Variants in CSMD1 observed in about 807,000 individuals in gnomAD.
The protein encoded by CSMD1 is CUB and sushi domain-containing protein 1.
In CSMD1, 213 loss-of-function variants were observed where a neutral mutation model predicts 417.5. The observed-to-expected ratio is 0.51, with a 90% CI of 0.46 to 0.57. The LOEUF is 0.57. CSMD1 is among the 20% of genes least tolerant of loss of function. CSMD1 has a pLI of 0.00. For synonymous variants in CSMD1, 2,862 were observed against 1,736.8 expected, an observed-to-expected ratio of 1.65 and a Z score of -16.11; for missense variants, 6,923 against 4,529.7, an observed-to-expected ratio of 1.53 and a Z score of -15.17.
At chr8:3,049,058 C>G (rs903564069) in intron 50 of CSMD1, among the ~76,000 whole-genome samples, 6 of 151,926 alleles carry the variant, frequency 3.9e-5, no homozygotes, top group Non-Finnish European at 8.8e-5. Context: ...ATGAGAATGG[C>G]CAAAATCCAG....
At chr8:4,788,274 C>A (rs777411430) in intron 1 of CSMD1, 1 of 1,589,226 alleles carries the variant, frequency 6.3e-7, no homozygotes, top group Non-Finnish European at 8.6e-7. Flanking sequence ...GGATGGCATT[C>A]CTACTGTATT....
chr8:3,256,534 C>T (rs1320655892), intron 26 of CSMD1, among the ~76,000 whole-genome samples: 2 of 152,178 alleles, frequency 1.3e-5, no homozygotes, highest in Admixed American at 6.5e-5. Flanking sequence ...TTATTGCATG[C>T]ACTAAAAAAG....
intron 29 of CSMD1, among the ~76,000 whole-genome samples, chr8:3,217,870 C>G (rs532251079): frequency 6.6e-6 from 1 of 152,150 alleles, no homozygotes; most frequent in African/African-American, 2.4e-5. Flanking sequence ...ATTTTTCACA[C>G]AAATTGAACT....
At chr8:3,231,821 C>T (rs2116915967) in intron 26 of CSMD1, among the ~76,000 whole-genome samples, 1 of 152,280 alleles carries the variant, frequency 6.6e-6, no homozygotes, top group Non-Finnish European at 1.5e-5. Flanking sequence ...CACTTAAGCA[C>T]ACTTATCATC....
chr8:3,540,450 A>G (rs73505724), intron 10 of CSMD1, among the ~76,000 whole-genome samples: 2 of 152,238 alleles, frequency 1.3e-5, no homozygotes, highest in Admixed American at 1.3e-4. Flanking sequence ...TCAAGGCAAT[A>G]CTATTCAGGA....
At chr8:4,383,693 G>C (rs1044930240) in intron 3 of CSMD1, among the ~76,000 whole-genome samples, 1 of 152,102 alleles carries the variant, frequency 6.6e-6, no homozygotes, top group African/African-American at 2.4e-5. Flanking sequence ...ATTACAGTGT[G>C]GGAAACCTAA....
chr8:4,488,361 C>T (rs1801522905), intron 2 of CSMD1, among the ~76,000 whole-genome samples: 1 of 151,970 alleles, frequency 6.6e-6, no homozygotes, highest in African/African-American at 2.4e-5. Flanking sequence ...GAACACTTGA[C>T]ATATAGAAAC....
chr8:4,675,485 C>T (rs538947532), intron 1 of CSMD1, among the ~76,000 whole-genome samples: 82 of 152,174 alleles, frequency 5.4e-4, no homozygotes, highest in African/African-American at 1.8e-3. Flanking sequence ...ACACGGATAA[C>T]AAGTCATAAA....
chr8:4,649,661 TAAG>T (rs573126088), intron 1 of CSMD1, among the ~76,000 whole-genome samples: 1 of 152,360 alleles, frequency 6.6e-6, no homozygotes, highest in South Asian at 2.1e-4. Context: ...CTCCTCTTTA[TAAG>T]AAGCCATGAA....
chr8:4,488,978 C>G (rs1050973702), intron 2 of CSMD1, among the ~76,000 whole-genome samples: 1 of 152,198 alleles, frequency 6.6e-6, no homozygotes, highest in Non-Finnish European at 1.5e-5. Context: ...GTGGCGCGAT[C>G]TTGGCTCACT....
chr8:3,899,853 C>G (rs1178325855), intron 5 of CSMD1, among the ~76,000 whole-genome samples: 4 of 152,148 alleles, frequency 2.6e-5, no homozygotes, highest in South Asian at 4.1e-4. Flanking sequence ...CTGAAAATGT[C>G]CATTTCTTCA....
intron 5 of CSMD1, among the ~76,000 whole-genome samples, chr8:3,754,675 G>A (rs571102300): frequency 3.3e-5 from 5 of 152,260 alleles, no homozygotes; most frequent in South Asian, 2.1e-4. Flanking sequence ...GGCTGGTCTC[G>A]AACTTGTGAC....
chr8:4,490,162 T>G (rs867770454), intron 2 of CSMD1, among the ~76,000 whole-genome samples: 1 of 151,516 alleles, frequency 6.6e-6, no homozygotes, highest in Non-Finnish European at 1.5e-5. Context: ...TGCTTCAGCC[T>G]CTCAGGTAGC....
chr8:4,121,806 G>C (rs10112869), intron 3 of CSMD1, among the ~76,000 whole-genome samples: 1 of 152,036 alleles, frequency 6.6e-6, no homozygotes, highest in Non-Finnish European at 1.5e-5. Flanking sequence ...TTTTCTAATT[G>C]TAACTTAGTT....
At chr8:3,667,873 T>C (rs947821918) in intron 7 of CSMD1, among the ~76,000 whole-genome samples, 1 of 152,020 alleles carries the variant, frequency 6.6e-6, no homozygotes, top group African/African-American at 2.4e-5. Context: ...TAGCAGTGAG[T>C]AGAAGCAGCC....
chr8:3,134,149 C>A (rs1005086065), intron 41 of CSMD1, among the ~76,000 whole-genome samples: 3 of 151,414 alleles, frequency 2.0e-5, no homozygotes, highest in African/African-American at 7.3e-5. Flanking sequence ...TCCAGCCTCT[C>A]GACAGAGTGA....
At position 4,431,028 on chromosome 8, in the gene CSMD1, G is replaced by A. The variant is rs968119248; in HGVS notation, c.303-10963C>T. 1.1e-4 allele frequency among the ~76,000 whole-genome samples: 16 copies of A among 152,072 alleles called. 1 individual carries two copies. The highest frequency in any genetic ancestry group is 2.4e-4 in the Non-Finnish European group (16 of 68,014). ...TCTGGAAAGACTTCGCATAAGACCTGTGCTTCTTCAGAATAACTCGTGGAG... is the reference window on the plus strand; with the variant it reads ...TCTGGAAAGACTTCGCATAAGACCTATGCTTCTTCAGAATAACTCGTGGAG... On this transcript the variant is annotated intron_variant, in intron 2 of 69. Transcript: ENST00000635120.
intron 7 of CSMD1, among the ~76,000 whole-genome samples, chr8:3,694,457 G>C (rs2129034221): frequency 6.6e-6 from 1 of 152,238 alleles, no homozygotes; most frequent in East Asian, 1.9e-4. Context: ...ACATGAGTCT[G>C]GGAAAGACGG....
At chr8:3,654,609 T>C (rs1798012628) in intron 7 of CSMD1, among the ~76,000 whole-genome samples, 1 of 152,194 alleles carries the variant, frequency 6.6e-6, no homozygotes. Context: ...TCCCATATCT[T>C]TTTCAAAGCA....
Sources: allele counts gnomAD v4.1 joint callset (sites outside exome capture counted in the v4.1 genomes callset), GRCh38; gene constraint gnomAD v4.1.1; transcripts MANE v1.5; gene names NCBI Gene and HGNC (gene_info 2026-07-23, HGNC 2026-07-21).